NBEAL1: variants seen among roughly 807,000 people sequenced by gnomAD.
NBEAL1 encodes the protein neurobeachin like 1, also known as neurobeachin-like protein 1.
In NBEAL1, 273 loss-of-function variants were observed where a neutral mutation model predicts 351.3. The ratio of observed to expected loss-of-function variants is 0.78; its 90% confidence interval spans 0.70 to 0.86. The LOEUF (loss-of-function observed/expected upper bound fraction) is 0.86, where lower values mean the gene tolerates loss of function less well. Among genes scored for constraint, NBEAL1 ranks in the 40% least tolerant of loss-of-function variants. The pLI is 0.00. For missense variants in NBEAL1, 2,961 were observed against 3,201.3 expected, an observed-to-expected ratio of 0.92 and a Z score of 1.81; for synonymous variants, 1,050 against 1,086.4, an observed-to-expected ratio of 0.97 and a Z score of 0.66.
chr2:203,026,018 C>T (rs755180152), intron 2 of NBEAL1, among the ~76,000 whole-genome samples: 4 of 152,042 alleles, frequency 2.6e-5, no homozygotes, highest in African/African-American at 7.2e-5. Flanking sequence ...TGAGGACTTC[C>T]CTCCCCTTCT....
chr2:203,038,030 G>T (rs11693169), intron 2 of NBEAL1, among the ~76,000 whole-genome samples: 74,590 of 148,176 alleles, frequency 0.5, 23,477 homozygotes, highest in Middle Eastern at 0.76. Flanking sequence ...AACATCTTTT[G>T]CTCAATAGAT....
chr2:203,090,888 T>TAAGAA lies in NBEAL1; in HGVS notation c.1098+6335_1098+6339dup, dbSNP rs558629025. Among the ~76,000 whole-genome samples, 452 of 149,910 alleles carry TAAGAA rather than the reference T, an allele frequency of 3.0e-3. 2 individuals are homozygous for TAAGAA. The highest frequency in any genetic ancestry group is 5.7e-3 in the Non-Finnish European group (386 of 67,612). ...TGGGTGACAGAGCAAGACTCTGTCT[T>TAAGAA]AAGAAAAGAAAAGAAAAGAAGGAAA... On this transcript the variant is annotated intron_variant, in intron 10 of 55. Transcript: ENST00000683969.
chr2:203,095,436 A>T (rs753577695), intron 10 of NBEAL1, among the ~76,000 whole-genome samples: 32 of 151,926 alleles, frequency 2.1e-4, no homozygotes, highest in Admixed American at 3.9e-4. Context: ...CTGAGATTAC[A>T]GGCATGCACC....
Position 203,126,938 on chromosome 2 carries a change from T to G in NBEAL1, c.3248+12T>G. The stretch of plus-strand genomic sequence containing the variant: ...AGGATTTATTATGGGTATGATGCCC[T>G]TGTTCTTTCTCAGTTTGATATATTA... On this transcript the variant is annotated intron_variant, in intron 23 of 55. Transcript: ENST00000683969. 6.7e-7 allele frequency: 1 copy of G among 1,490,778 alleles called. No individual in the cohort carries two copies. Among genetic ancestry groups the G allele is most frequent in the Non-Finnish European group, 9.1e-7 (1 of 1,093,924 alleles). 92.3% of individuals were successfully genotyped at this position (1,490,778 alleles called of 1,614,324 possible). A position where few individuals can be genotyped will look rare whatever the true frequency, so the allele number is the denominator to read the frequency against.
chr2:203,162,757 C>T (rs2064006807), intron 36 of NBEAL1, among the ~76,000 whole-genome samples: 1 of 152,164 alleles, frequency 6.6e-6, no homozygotes, highest in South Asian at 2.1e-4. Context: ...TAAGTGATTA[C>T]ATGTAGGACT....
chr2:203,016,643 G>A (rs2060685643), intron 2 of NBEAL1, among the ~76,000 whole-genome samples: 1 of 151,934 alleles, frequency 6.6e-6, no homozygotes, highest in South Asian at 2.1e-4. Context: ...AAAACTGTAG[G>A]GTGCGGCTTT....
rs755953199 is a variant in NBEAL1, at chr2:203,213,580, A to C, written c.7997A>C (p.Lys2666Thr). ...RLPIHCVCVT[K>T]EYSHILVGLE... ...CCTATCCATTGTGTTTGTGTCACCA[A>C]AGAATACAGCCATATTCTTGTAGGT... is the stretch of plus-strand genomic sequence containing the variant. The change falls in exon 55 of 56, where the codon AAA becomes ACA. Residue 2666 changes from lysine (K) to threonine (T), a missense_variant. Lys to Thr is a moderately conservative substitution (Grantham distance 78). Transcript: ENST00000683969. 22 of 1,614,128 alleles carry C rather than the reference A, an allele frequency of 1.4e-5. No individual in the cohort carries two copies. In the South Asian group the frequency reaches 2.4e-4, roughly 18 times the overall value.
chr2:203,142,983 T>C (rs957954625), intron 31 of NBEAL1, among the ~76,000 whole-genome samples: 2 of 152,230 alleles, frequency 1.3e-5, no homozygotes, highest in African/African-American at 4.8e-5. Context: ...AAGTCTCTTG[T>C]TGCCTTATCC....
intron 2 of NBEAL1, among the ~76,000 whole-genome samples, chr2:203,034,962 T>C (rs1162270868): frequency 6.7e-6 from 1 of 149,358 alleles, no homozygotes; most frequent in East Asian, 1.9e-4. Context: ...CATCATATGA[T>C]TGAAATATTT....
intron 48 of NBEAL1, among the ~76,000 whole-genome samples, chr2:203,198,856 CAAA>C (rs1039821587): frequency 2.0e-5 from 2 of 97,608 alleles, no homozygotes; most frequent in Non-Finnish European, 2.1e-5. Flanking sequence ...GACTCTATCT[CAAA>C]AAAAAAAAAA....
At chr2:203,108,891 A>G (rs562640058) in intron 14 of NBEAL1, among the ~76,000 whole-genome samples, 15 of 152,144 alleles carry the variant, frequency 9.9e-5, no homozygotes, top group Admixed American at 9.8e-4. Flanking sequence ...TACAAAAAAT[A>G]TAAAAATTAG....
chr2:203,093,230 TAAAAAA>T (rs139917037), intron 10 of NBEAL1, among the ~76,000 whole-genome samples: 3 of 49,856 alleles, frequency 6.0e-5, no homozygotes, highest in African/African-American at 7.3e-5. Flanking sequence ...AGACTCTGTC[TAAAAAA>T]AAAAAAAAAA....
chr2:203,178,070 T>A (rs535745461), intron 42 of NBEAL1, among the ~76,000 whole-genome samples: 2 of 151,476 alleles, frequency 1.3e-5, no homozygotes, highest in Non-Finnish European at 2.9e-5. Context: ...AACCTAGAAA[T>A]TCCACTTCTA....
chr2:203,217,942 C>G lies in NBEAL1; in HGVS notation c.*588C>G. ...TTAGCGTGTTTCTAATGAGAAGTTA[C>G]TGAAATCTATTACTGTCCTTAATAA... On this transcript the variant is annotated 3_prime_UTR_variant, in exon 56 of 56. Coordinates refer to ENST00000683969, the MANE Select transcript of NBEAL1 (RefSeq NM_001378026.1). 1.0e-6 allele frequency: 1 copy of G among 953,548 alleles called. No individual in the cohort carries two copies. Among genetic ancestry groups the G allele is most frequent in the Non-Finnish European group, 1.2e-6 (1 of 801,032 alleles). The allele number at this position is 953,548 out of a possible 1,614,324, so 59.1% of individuals were successfully genotyped here.
intron 47 of NBEAL1, 141 bp downstream of exon 47, chr2:203,194,052 A>G (rs2065170526): frequency 2.3e-6 from 1 of 444,406 alleles, no homozygotes; most frequent in Non-Finnish European, 3.8e-6. Context: ...CTGTTGTTGG[A>G]TTTTTAAAAC....
intron 6 of NBEAL1, among the ~76,000 whole-genome samples, chr2:203,060,795 C>A (rs2106105625): frequency 6.6e-6 from 1 of 152,188 alleles, no homozygotes; most frequent in East Asian, 1.9e-4. Context: ...AATTTACCAA[C>A]ATTTATAGAA....
intron 2 of NBEAL1, among the ~76,000 whole-genome samples, chr2:203,018,933 A>G (rs1356183533): frequency 1.3e-5 from 2 of 152,168 alleles, no homozygotes; most frequent in Non-Finnish European, 2.9e-5. Context: ...TAGTTTCTTA[A>G]TATTCGTATT....
rs2065698945 is a variant in NBEAL1 at position 203,209,155 on chromosome 2, G to A, written c.7624-6G>A. 1.2e-6 allele frequency: 2 copies of A among 1,608,138 alleles called. No homozygotes were observed. The highest frequency in any genetic ancestry group is 2.2e-5 in the South Asian group (2 of 90,764). The stretch of plus-strand genomic sequence containing the variant: ...TTTTTCATTTTCTGATATATCCTGT[G>A]TGTAGGATGGAACGGTGATTATACA... On this transcript the variant is annotated splice_polypyrimidine_tract_variant and splice_region_variant and intron_variant, in intron 52 of 55. Transcript: ENST00000683969.
chr2:203,103,279 CTT>C (rs945128736), intron 12 of NBEAL1, among the ~76,000 whole-genome samples: 3 of 144,546 alleles, frequency 2.1e-5, no homozygotes, highest in Non-Finnish European at 3.1e-5. Flanking sequence ...TTTTGTATTT[CTT>C]TTTTTTTTTG....
Sources: gnomAD v4.1 joint callset for allele counts (sites outside exome capture counted in the v4.1 genomes callset) on GRCh38, gnomAD v4.1.1 for gene constraint, MANE v1.5 for transcripts, NCBI Gene and HGNC (gene_info 2026-07-23, HGNC 2026-07-21) for gene names.